The following CSGALNACT2 variants were observed in gnomAD, a reference collection of about 807,000 sequenced individuals.
CSGALNACT2 encodes the protein beta 4 GalNAcT-2.
In CSGALNACT2, 35 loss-of-function variants were observed where a neutral mutation model predicts 55.3. That is an observed-to-expected ratio of 0.63 (90% confidence interval 0.48 to 0.84). CSGALNACT2 has a LOEUF of 0.84. Ranked by LOEUF, CSGALNACT2 falls within the 40% of genes least tolerant of loss-of-function variation. The probability of loss-of-function intolerance (pLI) is 0.00; values close to 1 mark genes in which losing one functional copy is unlikely to be tolerated. For synonymous variants in CSGALNACT2, 196 were observed against 224.9 expected (o/e 0.87, Z 1.15); for missense variants, 544 against 657.5 (o/e 0.83, Z 1.89).
chr10:43,162,057 G>A lies in CSGALNACT2; in HGVS notation c.980+1462G>A, dbSNP rs1839160957. 3 of 476,938 alleles carry A rather than the reference G, an allele frequency of 6.3e-6. No individual in the cohort carries two copies. In the Admixed American group the frequency reaches 6.4e-5, roughly 10 times the overall value. The allele number at this position is 476,938 out of a possible 1,614,324, so 29.5% of individuals were successfully genotyped here. A position where few individuals can be genotyped will look rare whatever the true frequency, so the allele number is the denominator to read the frequency against. On this transcript the variant is annotated intron_variant, in intron 4 of 7. Coordinates refer to ENST00000374466, the MANE Select transcript of CSGALNACT2 (RefSeq NM_018590.5). ...ATCTCGGATACCTCCCAGAAATAAA[G>A]GGATTGTTACAACCAAATTTGGGGA...
chr10:43,172,002 C>A (rs528271413), intron 6 of CSGALNACT2, among the ~76,000 whole-genome samples: 3 of 152,286 alleles, frequency 2.0e-5, no homozygotes, highest in Admixed American at 2.0e-4. Flanking sequence ...TTTTAAAAAG[C>A]AAAGCCATGT....
chr10:43,142,395 G>A (rs1838648476), intron 1 of CSGALNACT2, among the ~76,000 whole-genome samples: 1 of 151,972 alleles, frequency 6.6e-6, no homozygotes, highest in South Asian at 2.1e-4. Context: ...GTAGAGACGG[G>A]GTTTCACCGT....
intron 1 of CSGALNACT2, among the ~76,000 whole-genome samples, 189 bp from the exon 2 acceptor site, chr10:43,154,708 C>CG (rs1195698017): frequency 6.7e-6 from 1 of 149,828 alleles, no homozygotes; most frequent in Admixed American, 6.7e-5. Flanking sequence ...GCCTGGGTGA[C>CG]GGAGTGAGAC....
At chr10:43,160,661 T>C (rs1839126269) in intron 4 of CSGALNACT2, 66 bp downstream of exon 4, 1 of 764,008 alleles carries the variant, frequency 1.3e-6, no homozygotes, top group East Asian at 2.5e-5. Context: ...ATTTCAGATA[T>C]GTAATGAGTT....
chr10:43,161,530 A>G (rs1564515496), intron 4 of CSGALNACT2, among the ~76,000 whole-genome samples: 1 of 152,198 alleles, frequency 6.6e-6, no homozygotes, highest in African/African-American at 2.4e-5. Context: ...ACTGTGTTCC[A>G]GGTACACTGC....
intron 1 of CSGALNACT2, among the ~76,000 whole-genome samples, chr10:43,146,861 C>T (rs1488084779): frequency 6.6e-6 from 1 of 151,372 alleles, no homozygotes; most frequent in Non-Finnish European, 1.5e-5. Flanking sequence ...TTGGTATGGT[C>T]ATTCTTTTTA....
At chr10:43,170,942 C>G (rs1480917716) in intron 6 of CSGALNACT2, among the ~76,000 whole-genome samples, 1 of 152,132 alleles carries the variant, frequency 6.6e-6, no homozygotes, top group Non-Finnish European at 1.5e-5. Context: ...TCAAAACTGT[C>G]AGGGTCACCA....
At chr10:43,182,637 T>C (rs1360060878) in intron 7 of CSGALNACT2, among the ~76,000 whole-genome samples, 5 of 151,488 alleles carry the variant, frequency 3.3e-5, no homozygotes, top group Non-Finnish European at 5.9e-5. Flanking sequence ...TCCAGCACTT[T>C]GGGAAGCCAA....
chr10:43,155,306 G>C lies in CSGALNACT2; in HGVS notation c.157G>C (p.Gly53Arg). ...SLPGVVGENY[G>R]KEYYQALLQE... ...TCCTGGTGTTGTTGGGGAAAATTAT[G>C]GTAAAGAGTATTATCAAGCCCTCCT... Residue 53 changes from glycine (G) to arginine (R), a missense_variant, in exon 2 of 8, where the codon GGT becomes CGT. Physicochemically the swap from Gly to Arg is moderately radical, Grantham distance 125. Coordinates refer to ENST00000374466, the MANE Select transcript of CSGALNACT2 (RefSeq NM_018590.5). 6.2e-7 allele frequency: 1 copy of C among 1,614,024 alleles called. No homozygotes were observed. The highest frequency in any genetic ancestry group is 8.5e-7 in the Non-Finnish European group (1 of 1,180,014).
intron 4 of CSGALNACT2, chr10:43,162,924 T>C (rs1839183190): frequency 1.0e-6 from 1 of 985,454 alleles, no homozygotes; most frequent in Non-Finnish European, 1.2e-6. Flanking sequence ...TTTAGGATAC[T>C]GACCAATTTC....
intron 1 of CSGALNACT2, among the ~76,000 whole-genome samples, chr10:43,150,354 G>A (rs76164945): frequency 0.044 from 6,668 of 152,126 alleles, 180 homozygotes; most frequent in South Asian, 0.089. Context: ...TCATTGCTTT[G>A]TATAAATCCA....
intron 7 of CSGALNACT2, among the ~76,000 whole-genome samples, chr10:43,177,785 G>C (rs1449689793): frequency 6.6e-6 from 1 of 152,188 alleles, no homozygotes; most frequent in Non-Finnish European, 1.5e-5. Flanking sequence ...CATATGCCCA[G>C]GACTCTGGCT....
chr10:43,177,778 A>G (rs1433030957), intron 7 of CSGALNACT2, among the ~76,000 whole-genome samples: 1 of 152,222 alleles, frequency 6.6e-6, no homozygotes, highest in African/African-American at 2.4e-5. Context: ...TCTTGGACAT[A>G]TGCCCAGGAC....
intron 6 of CSGALNACT2, among the ~76,000 whole-genome samples, chr10:43,173,071 A>C (rs1187021348): frequency 6.6e-6 from 1 of 152,200 alleles, no homozygotes; most frequent in Non-Finnish European, 1.5e-5. Flanking sequence ...TGGAGGGAGA[A>C]TGGATTGTGT....
chr10:43,140,208 C>T (rs1186069603), intron 1 of CSGALNACT2, among the ~76,000 whole-genome samples: 2 of 152,070 alleles, frequency 1.3e-5, no homozygotes, highest in African/African-American at 4.8e-5. Flanking sequence ...GTACTGTGGA[C>T]ATTCTTGTAA....
intron 1 of CSGALNACT2, among the ~76,000 whole-genome samples, chr10:43,139,581 T>C (rs971243221): frequency 6.6e-6 from 1 of 152,232 alleles, no homozygotes; most frequent in Non-Finnish European, 1.5e-5. Flanking sequence ...CTTATTACCC[T>C]GTGGAACCAC....
chr10:43,177,930 A>G (rs777767345), intron 7 of CSGALNACT2, among the ~76,000 whole-genome samples: 34 of 152,126 alleles, frequency 2.2e-4, no homozygotes, highest in Non-Finnish European at 4.1e-4. Context: ...AATACATGTT[A>G]TTATCTTTTT....
At chr10:43,159,257 A>G (rs1839091306) in intron 3 of CSGALNACT2, among the ~76,000 whole-genome samples, 1 of 152,128 alleles carries the variant, frequency 6.6e-6, no homozygotes, top group South Asian at 2.1e-4. Flanking sequence ...ATGCAGTAAA[A>G]TCCACATATT....
At chr10:43,170,058 A>C (rs1048583947) in intron 6 of CSGALNACT2, among the ~76,000 whole-genome samples, 1 of 152,248 alleles carries the variant, frequency 6.6e-6, no homozygotes, top group African/African-American at 2.4e-5. Context: ...CCTGAGAGTA[A>C]ATAGTGGTGA....
Sources: gnomAD v4.1 joint callset for allele counts (sites outside exome capture counted in the v4.1 genomes callset) on GRCh38, gnomAD v4.1.1 for gene constraint, MANE v1.5 for transcripts, NCBI Gene and HGNC (gene_info 2026-07-23, HGNC 2026-07-21) for gene names.